Variants in RAB18 observed in about 807,000 individuals in gnomAD.
RAB18 encodes ras-related protein Rab-18.
A neutral mutation model predicts 28.5 loss-of-function variants in RAB18; 10 were observed. The ratio of observed to expected loss-of-function variants is 0.35; its 90% CI spans 0.22 to 0.60. RAB18 has a LOEUF of 0.60. Ranked by LOEUF, RAB18 falls within the 20% of genes least tolerant of loss-of-function variation. The pLI is 0.78. For missense variants in RAB18, 188 were observed against 244.2 expected, an observed-to-expected ratio of 0.77 and a Z score of 1.53; for synonymous variants, 93 against 86.9, an observed-to-expected ratio of 1.07 and a Z score of -0.39.
At position 27,516,121 on chromosome 10, in the gene RAB18, C is replaced by T. The variant is rs139287324; in HGVS notation, c.124+6191C>T. Among the ~76,000 whole-genome samples the T allele has an allele frequency of 9.9e-5, 15 of 151,882 alleles. No homozygotes were observed. In the East Asian group the frequency reaches 1.9e-3, roughly 20 times the overall value. On this transcript the variant is annotated intron_variant, in intron 2 of 6. Transcript: ENST00000356940. ...TGGTTTGTTAAGATAAATATTAAGT[C>T]CCCTTATTTTTAATGCTTATTCTTT...
intron 2 of RAB18, among the ~76,000 whole-genome samples, chr10:27,517,808 C>G (rs539270956): frequency 6.6e-6 from 1 of 152,250 alleles, no homozygotes; most frequent in African/African-American, 2.4e-5. Context: ...CCAAATAGTT[C>G]CATCATCCCC....
chr10:27,534,932 C>G (rs1193760701), intron 6 of RAB18, among the ~76,000 whole-genome samples: 3 of 152,110 alleles, frequency 2.0e-5, no homozygotes, highest in Non-Finnish European at 4.4e-5. Context: ...ATTAGTTTAC[C>G]CAATATTTAT....
chr10:27,527,062 A>G (rs754172912), intron 3 of RAB18, 173 bp downstream of exon 3: 1 of 769,260 alleles, frequency 1.3e-6, no homozygotes, highest in Admixed American at 1.7e-5. Context: ...TTGGGTAATT[A>G]GGCAGCTATG....
In RAB18 at chr10:27,521,264, CGGA is replaced by C. The variant is rs367718374; in HGVS notation, c.125-5562_125-5560del. Reference sequence around the variant, plus strand: ...TACTTGAAAAAAATTTGTTGTTATACGGAGTATTCTGTTGGCTCTAATTGGCCT... The same window carrying C: ...TACTTGAAAAAAATTTGTTGTTATACGTATTCTGTTGGCTCTAATTGGCCT... On this transcript the variant is annotated intron_variant, in intron 2 of 6. Coordinates refer to ENST00000356940, the MANE Select transcript of RAB18 (RefSeq NM_021252.5). Among the ~76,000 whole-genome samples the C allele has an allele frequency of 5.8e-3, 882 of 152,094 alleles. 10 individuals carry two copies. The highest frequency in any genetic ancestry group is 0.02 in the African/African-American group (835 of 41,468).
At chr10:27,518,622 T>C (rs1834485099) in intron 2 of RAB18, among the ~76,000 whole-genome samples, 2 of 152,106 alleles carry the variant, frequency 1.3e-5, no homozygotes, top group African/African-American at 4.8e-5. Flanking sequence ...TTTTTTGCTT[T>C]TTTGGGGGCT....
chr10:27,513,282 G>A (rs187097603), intron 2 of RAB18, among the ~76,000 whole-genome samples: 300 of 151,954 alleles, frequency 2.0e-3, no homozygotes, highest in African/African-American at 7.0e-3. Flanking sequence ...TGATCCACCC[G>A]CCTCAGCCTC....
In RAB18 at chr10:27,539,415, G is replaced by T; in HGVS notation, c.*1364G>T. 3 of 292,408 alleles carry T rather than the reference G, an allele frequency of 1.0e-5. No homozygotes were observed. Among genetic ancestry groups the T allele is most frequent in the South Asian group, 6.4e-5 (2 of 31,490 alleles). The allele number at this position is 292,408 out of a possible 1,614,324, so 18.1% of individuals were successfully genotyped here. A position where few individuals can be genotyped will look rare whatever the true frequency, so the allele number is the denominator to read the frequency against. On this transcript the variant is annotated 3_prime_UTR_variant, in exon 7 of 7. Transcript: ENST00000356940. The stretch of plus-strand genomic sequence containing the variant: ...ATGTTTGTTAATTTACTTCATGTTG[G>T]GTTCTTTCTGAAATGTACATCTTTA...
rs1036447254 is a variant in RAB18, at chr10:27,541,464, A to T, written c.*3413A>T. 2.2e-6 allele frequency: 1 copy of T among 453,474 alleles called. No homozygotes were observed. Among genetic ancestry groups the T allele is most frequent in the African/African-American group, 2.0e-5 (1 of 49,778 alleles). The allele number at this position is 453,474 out of a possible 1,614,324, so 28.1% of individuals were successfully genotyped here. On this transcript the variant is annotated 3_prime_UTR_variant, in exon 7 of 7. Transcript: ENST00000356940. ...GCTAGCTTATTGTTTCATACTTGGG[A>T]ATCAGTCATGTTTCTGATTGTGGTA...
intron 1 of RAB18, among the ~76,000 whole-genome samples, chr10:27,509,571 A>T (rs1589560438): frequency 1.3e-5 from 2 of 152,162 alleles, no homozygotes; most frequent in Admixed American, 1.3e-4. Flanking sequence ...TCAGAAGGAC[A>T]TACCAGAACA....
In RAB18 at chr10:27,540,722, A is replaced by G. The variant is rs1309083613; in HGVS notation, c.*2671A>G. On this transcript the variant is annotated 3_prime_UTR_variant, in exon 7 of 7. Transcript: ENST00000356940. Reference sequence around the variant, plus strand: ...AAATTATGGAAACAGTAATTTGCTCAAAACTGAAATCTGGGGTGATGTTTT... The same window carrying G: ...AAATTATGGAAACAGTAATTTGCTCGAAACTGAAATCTGGGGTGATGTTTT... The G allele has an allele frequency of 2.2e-6, 1 of 454,094 alleles. No individual in the cohort carries two copies. The highest frequency in any genetic ancestry group is 4.4e-6 in the Non-Finnish European group (1 of 226,750). The allele number at this position is 454,094 out of a possible 1,614,324, so 28.1% of individuals were successfully genotyped here. A position where few individuals can be genotyped will look rare whatever the true frequency, so the allele number is the denominator to read the frequency against.
At position 27,541,546 on chromosome 10, in the gene RAB18, A is replaced by C. The variant is rs1835031120; in HGVS notation, c.*3495A>C. On this transcript the variant is annotated 3_prime_UTR_variant, in exon 7 of 7. Coordinates refer to ENST00000356940, the MANE Select transcript of RAB18 (RefSeq NM_021252.5). ...CTGTTCAATGAATGTAAGCACACAC[A>C]CACCTACACACATATTTTGAATAGT... The C allele has an allele frequency of 2.2e-6, 1 of 453,772 alleles. No individual in the cohort carries two copies. Among genetic ancestry groups the C allele is most frequent in the Non-Finnish European group, 4.4e-6 (1 of 226,758 alleles). 28.1% of individuals were successfully genotyped at this position (453,772 alleles called of 1,614,324 possible).
rs567592041 is a variant in RAB18 at position 27,525,014 on chromosome 10, CA to C, written c.125-1810del. ...TTGGTAAGTTTCAGATATAATATGT[CA>C]AAAGCATAACTTAGAGACATTGTTA... On this transcript the variant is annotated intron_variant, in intron 2 of 6. Coordinates refer to ENST00000356940, the MANE Select transcript of RAB18 (RefSeq NM_021252.5). 5.0e-3 allele frequency among the ~76,000 whole-genome samples: 758 copies of C among 152,254 alleles called. 5 individuals are homozygous for C. Among genetic ancestry groups the C allele is most frequent in the Middle Eastern group, 0.017 (5 of 294 alleles).
intron 6 of RAB18, among the ~76,000 whole-genome samples, chr10:27,536,466 G>A (rs966191083): frequency 7.9e-5 from 12 of 152,106 alleles, no homozygotes; most frequent in Non-Finnish European, 8.8e-5. Context: ...GATCACTTGA[G>A]CCTGGGAGGC....
intron 3 of RAB18, among the ~76,000 whole-genome samples, chr10:27,531,353 C>A (rs752470519): frequency 2.6e-5 from 4 of 151,932 alleles, no homozygotes; most frequent in Non-Finnish European, 4.4e-5. Context: ...TTGCTGAAGC[C>A]CCTCACGCCC....
At chr10:27,505,137 A>G (rs368453943) in intron 1 of RAB18, 5 of 532,724 alleles carry the variant, frequency 9.4e-6, no homozygotes, top group African/African-American at 7.7e-5. Flanking sequence ...TTGTGCTTTC[A>G]TTTTTTACTT....
At chr10:27,527,745 T>C (rs1285447479) in intron 3 of RAB18, among the ~76,000 whole-genome samples, 1 of 152,130 alleles carries the variant, frequency 6.6e-6, no homozygotes, top group Non-Finnish European at 1.5e-5. Flanking sequence ...GTAAATGCTG[T>C]TTGTACATCA....
intron 2 of RAB18, among the ~76,000 whole-genome samples, chr10:27,522,739 G>T (rs892676777): frequency 6.6e-6 from 1 of 151,758 alleles, no homozygotes; most frequent in Admixed American, 6.6e-5. Context: ...GTAAATTCTG[G>T]TAGCTTTTAA....
intron 1 of RAB18, 193 bp downstream of exon 1, chr10:27,504,630 G>A (rs866920192): frequency 1.0e-5 from 8 of 765,170 alleles, no homozygotes; most frequent in South Asian, 8.8e-5. Flanking sequence ...CGCCTGCCTG[G>A]TTCCCGGCCT....
Position 27,526,811 on chromosome 10 carries a change from AT to A in RAB18, c.125-13del. The A allele has an allele frequency of 6.2e-7, 1 of 1,612,860 alleles. No individual in the cohort carries two copies. Among genetic ancestry groups the A allele is most frequent in the Non-Finnish European group, 8.5e-7 (1 of 1,179,324 alleles). On this transcript the variant is annotated splice_polypyrimidine_tract_variant and intron_variant, in intron 2 of 6. Transcript: ENST00000356940. ...CTGTTTTACTGGGAGACTTATCAAA[AT>A]TTTCATTTCTTTAAGGTGTTGACTT...
Sources: allele counts gnomAD v4.1 joint callset (sites outside exome capture counted in the v4.1 genomes callset), GRCh38; gene constraint gnomAD v4.1.1; transcripts MANE v1.5; gene names NCBI Gene and HGNC (gene_info 2026-07-23, HGNC 2026-07-21).